The following TSNARE1 variants were observed in gnomAD, a reference collection of about 807,000 sequenced individuals.
The protein encoded by TSNARE1 is t-SNARE domain containing 1, also known as t-SNARE domain-containing protein 1.
In TSNARE1, 49 loss-of-function variants were observed where a neutral mutation model predicts 62.0. That is an observed-to-expected ratio of 0.79 (90% CI 0.63 to 1.00). The LOEUF is 1.00. Ranked by LOEUF, TSNARE1 falls within the 50% of genes least tolerant of loss-of-function variation. TSNARE1 has a pLI of 0.00. For missense variants in TSNARE1, 755 were observed against 700.1 expected (o/e 1.08, Z -0.88); for synonymous variants, 328 against 294.4 (o/e 1.11, Z -1.17).
At chr8:142,229,288 G>A (rs1563762656) in intron 13 of TSNARE1, among the ~76,000 whole-genome samples, 185 bp downstream of exon 13, 1 of 151,478 alleles carries the variant, frequency 6.6e-6, no homozygotes, top group African/African-American at 2.4e-5. Context: ...GATGGCAGAT[G>A]GATAGATGGA....
intron 13 of TSNARE1, among the ~76,000 whole-genome samples, chr8:142,217,986 GAGTA>G (rs1815992409): frequency 1.0e-5 from 1 of 96,790 alleles, no homozygotes; most frequent in Non-Finnish European, 2.2e-5. Context: ...TCAGGGCTCA[GAGTA>G]TGAGCAGGAT....
chr8:142,249,527 G>A (rs1818051499), intron 12 of TSNARE1, among the ~76,000 whole-genome samples: 1 of 152,194 alleles, frequency 6.6e-6, no homozygotes, highest in Non-Finnish European at 1.5e-5. Context: ...TGGGGAGGAT[G>A]GGAGCCAAAA....
At chr8:142,349,154 C>T (rs914894579) in intron 2 of TSNARE1, among the ~76,000 whole-genome samples, 5 of 152,204 alleles carry the variant, frequency 3.3e-5, no homozygotes, top group Non-Finnish European at 5.9e-5. Flanking sequence ...TTCAACAAAC[C>T]GGGACAACAC....
intron 6 of TSNARE1, chr8:142,326,271 C>T (rs1180643065): frequency 1.9e-5 from 3 of 154,066 alleles, no homozygotes; most frequent in Middle Eastern, 1.4e-3. Context: ...GGGAGGGCCC[C>T]GGAGACCACG....
chr8:142,218,364 G>A lies in TSNARE1; in HGVS notation c.*12-6051C>T, dbSNP rs574273785. On this transcript the variant is annotated intron_variant, in intron 13 of 13. Transcript: ENST00000524325. ...CCACCCTGGAGAGCTGCCTGTTGAGGCACCACGAGGGCCAGACCACTTTGT... is the reference window on the plus strand; with the variant it reads ...CCACCCTGGAGAGCTGCCTGTTGAGACACCACGAGGGCCAGACCACTTTGT... Among the ~76,000 whole-genome samples, 3 of 152,106 alleles carry A rather than the reference G, an allele frequency of 2.0e-5. No homozygotes were observed. In the East Asian group the frequency reaches 5.8e-4, roughly 29 times the overall value.
chr8:142,362,659 A>G (rs1408966816), intron 1 of TSNARE1, among the ~76,000 whole-genome samples: 2 of 152,102 alleles, frequency 1.3e-5, no homozygotes, highest in East Asian at 3.9e-4. Context: ...CCACGACCCA[A>G]TCACCTCTCA....
Position 142,387,559 on chromosome 8 carries a change from A to G in TSNARE1, c.-40+15545T>C, listed in dbSNP as rs544807293. Among the ~76,000 whole-genome samples the G allele has an allele frequency of 8.9e-4, 135 of 152,310 alleles. 2 individuals are homozygous for G. Among genetic ancestry groups the G allele is most frequent in the African/African-American group, 3.1e-3 (129 of 41,588 alleles). On this transcript the variant is annotated intron_variant, in intron 1 of 13. Coordinates refer to ENST00000524325, the MANE Select transcript of TSNARE1 (RefSeq NM_145003.5). ...CCAAGAAAAACAAGAGAAGCAACCGAGACGGAAATAACCGCAGAAACCAAA... is the reference window on the plus strand; with the variant it reads ...CCAAGAAAAACAAGAGAAGCAACCGGGACGGAAATAACCGCAGAAACCAAA...
At chr8:142,396,426 C>T (rs1460271254) in intron 1 of TSNARE1, among the ~76,000 whole-genome samples, 11 of 152,164 alleles carry the variant, frequency 7.2e-5, no homozygotes, top group Admixed American at 7.2e-4. Context: ...GAAATCTCAA[C>T]CTCCATACCT....
chr8:142,406,369 A>G (rs1265769830), upstream of TSNARE1: 2 of 152,260 alleles, frequency 1.3e-5, no homozygotes, highest in Non-Finnish European at 2.9e-5. Context: ...TCGTTCTATT[A>G]GCTGCGTCCT....
chr8:142,228,107 C>T (rs552579099), intron 13 of TSNARE1, among the ~76,000 whole-genome samples: 18 of 152,298 alleles, frequency 1.2e-4, no homozygotes, highest in African/African-American at 4.1e-4. Context: ...ATCCTTCAGC[C>T]GCAGTTGAGT....
chr8:142,310,672 G>A (rs1048330399), intron 9 of TSNARE1, among the ~76,000 whole-genome samples: 4 of 152,052 alleles, frequency 2.6e-5, no homozygotes, highest in Admixed American at 1.3e-4. Flanking sequence ...GGATTCCATC[G>A]TTTCTTCTAA....
At chr8:142,320,188 C>A (rs561143837) in intron 6 of TSNARE1, among the ~76,000 whole-genome samples, 2 of 152,304 alleles carry the variant, frequency 1.3e-5, no homozygotes, top group South Asian at 2.1e-4. Context: ...CAGGCCTGAG[C>A]GATTCTGCTA....
intron 4 of TSNARE1, among the ~76,000 whole-genome samples, chr8:142,337,810 G>A (rs1187158868): frequency 5.3e-5 from 8 of 152,206 alleles, no homozygotes; most frequent in African/African-American, 1.4e-4. Context: ...CTCAGGAAGC[G>A]CCCATTCCCA....
At chr8:142,315,422 C>T (rs1368084648) in intron 7 of TSNARE1, among the ~76,000 whole-genome samples, 1 of 152,250 alleles carries the variant, frequency 6.6e-6, no homozygotes, top group East Asian at 1.9e-4. Context: ...CCCTGAGTCC[C>T]GAGTGACTTG....
At chr8:142,288,626 C>T (rs1823211482) in intron 10 of TSNARE1, among the ~76,000 whole-genome samples, 1 of 152,244 alleles carries the variant, frequency 6.6e-6, no homozygotes, top group Non-Finnish European at 1.5e-5. Context: ...CACCTGCTAT[C>T]CACGCCAACC....
At chr8:142,275,265 C>G (rs116837766) in intron 11 of TSNARE1, 10 of 985,448 alleles carry the variant, frequency 1.0e-5, no homozygotes, top group Non-Finnish European at 1.2e-5. Flanking sequence ...CCTGCCTTAA[C>G]GTCTGTGGAG....
At chr8:142,294,709 G>A (rs1466710480) in intron 10 of TSNARE1, among the ~76,000 whole-genome samples, 1 of 152,242 alleles carries the variant, frequency 6.6e-6, no homozygotes, top group Non-Finnish European at 1.5e-5. Flanking sequence ...TGGCTGGACA[G>A]GCAGACAGCT....
At chr8:142,286,297 G>A (rs1478971355) in intron 10 of TSNARE1, among the ~76,000 whole-genome samples, 1 of 152,202 alleles carries the variant, frequency 6.6e-6, no homozygotes, top group Non-Finnish European at 1.5e-5. Context: ...GCTCATTCCA[G>A]AGCTGGGACT....
intron 12 of TSNARE1, among the ~76,000 whole-genome samples, chr8:142,265,581 T>C (rs1819094729): frequency 6.6e-6 from 1 of 152,236 alleles, no homozygotes; most frequent in African/African-American, 2.4e-5. Context: ...GGTGTGAACA[T>C]GAGTTTTTCT....
Sources: gnomAD v4.1 joint callset for allele counts (sites outside exome capture counted in the v4.1 genomes callset) on GRCh38, gnomAD v4.1.1 for gene constraint, MANE v1.5 for transcripts, NCBI Gene and HGNC (gene_info 2026-07-23, HGNC 2026-07-21) for gene names.